Variants in STK33 observed in about 807,000 individuals in gnomAD.
STK33 encodes serine/threonine kinase 33.
In STK33, 52 loss-of-function variants were observed where a neutral mutation model predicts 58.0. The ratio of observed to expected loss-of-function variants is 0.90; its 90% CI spans 0.72 to 1.13. The LOEUF is 1.13. Among genes scored for constraint, STK33 ranks in the 50% most tolerant of loss-of-function variants. STK33 has a pLI of 0.00. For synonymous variants in STK33, 215 were observed against 200.1 expected (o/e 1.07, Z -0.63); for missense variants, 630 against 604.2 (o/e 1.04, Z -0.45).
chr11:8,481,519 C>T (rs1181933473), intron 1 of STK33, among the ~76,000 whole-genome samples: 1 of 152,140 alleles, frequency 6.6e-6, no homozygotes, highest in African/African-American at 2.4e-5. Context: ...AGGCAAGTAC[C>T]CAGCATAAGG....
intron 14 of STK33, among the ~76,000 whole-genome samples, chr11:8,426,200 G>A (rs1942722626): frequency 6.6e-6 from 1 of 152,172 alleles, no homozygotes; most frequent in African/African-American, 2.4e-5. Flanking sequence ...AAGGGAGATG[G>A]AGTGGGAAGG....
chr11:8,386,501 G>A, the STK33 span, among the ~76,000 whole-genome samples: 3 of 152,182 alleles, frequency 2.0e-5, no homozygotes, highest in African/African-American at 7.2e-5. Flanking sequence ...CAGCAATGAG[G>A]ATCCTGAATA....
intron 1 of STK33, among the ~76,000 whole-genome samples, chr11:8,494,744 G>C (rs1031713785): frequency 2.6e-5 from 4 of 152,144 alleles, no homozygotes; most frequent in African/African-American, 9.7e-5. Context: ...TACCAAAACA[G>C]AGATATAGAT....
chr11:8,473,209 T>C lies in STK33; in HGVS notation c.293A>G (p.Glu98Gly), dbSNP rs781613188. The C allele has an allele frequency of 6.2e-7, 1 of 1,613,682 alleles. No homozygotes were observed. The highest frequency in any genetic ancestry group is 1.1e-5 in the South Asian group (1 of 91,026). The change falls in exon 6 of 16, where the codon GAA becomes GGA. Residue 98 changes from glutamate to glycine, a missense_variant. Transcript: ENST00000687296. ...AATCCTTATGTGAGGAACTTTTCCTTCTGTAAAGTTGCCCCGACCCCATTG... is the reference window on the plus strand; with the variant it reads ...AATCCTTATGTGAGGAACTTTTCCTCCTGTAAAGTTGCCCCGACCCCATTG... ...QQQWGRGNFT[E>G]GKVPHIRIEN...
chr11:8,481,318 A>G (rs1233620225), intron 1 of STK33, among the ~76,000 whole-genome samples: 9 of 152,202 alleles, frequency 5.9e-5, no homozygotes, highest in Non-Finnish European at 1.3e-4. Flanking sequence ...CAGAAATAAT[A>G]TTAATTTAAT....
the STK33 span, among the ~76,000 whole-genome samples, chr11:8,368,536 T>G: frequency 1.3e-5 from 2 of 152,200 alleles, no homozygotes; most frequent in Non-Finnish European, 2.9e-5. Flanking sequence ...TGTCTCTTCT[T>G]AATTAATAGA....
At chr11:8,397,781 T>C (rs1236874298) in intron 15 of STK33, among the ~76,000 whole-genome samples, 1 of 152,042 alleles carries the variant, frequency 6.6e-6, no homozygotes, top group Non-Finnish European at 1.5e-5. Flanking sequence ...CTGATGGAGC[T>C]GAAAACCATG....
chr11:8,519,106 G>C (rs1565253244), intron 1 of STK33, among the ~76,000 whole-genome samples: 1 of 152,160 alleles, frequency 6.6e-6, no homozygotes, highest in African/African-American at 2.4e-5. Context: ...GCACTCCTTA[G>C]CAAATGTAAA....
At chr11:8,393,315 C>T (rs565751546) in intron 15 of STK33, among the ~76,000 whole-genome samples, 1 of 152,178 alleles carries the variant, frequency 6.6e-6, no homozygotes, top group South Asian at 2.1e-4. Context: ...GAAAGGGTGG[C>T]CATGAAAGTA....
chr11:8,354,474 T>TCACACACACACACACA, the STK33 span, among the ~76,000 whole-genome samples: 4,350 of 124,548 alleles, frequency 0.035, 114 homozygotes, highest in South Asian at 0.045. Context: ...CTGCAAAACC[T>TCACACACACACACACA]CACACACACA....
At chr11:8,539,015 G>A (rs1047062963) in intron 1 of STK33, among the ~76,000 whole-genome samples, 2 of 152,020 alleles carry the variant, frequency 1.3e-5, no homozygotes, top group Non-Finnish European at 2.9e-5. Flanking sequence ...ATATAAACTG[G>A]GTTTTGTACA....
intron 7 of STK33, among the ~76,000 whole-genome samples, chr11:8,463,299 T>C (rs960621617): frequency 1.3e-5 from 2 of 152,186 alleles, no homozygotes; most frequent in Admixed American, 1.3e-4. Flanking sequence ...CAGGCATTAG[T>C]TGGATTCTCA....
chr11:8,540,986 CTCTCTCTCTA>C (rs1241095545), intron 1 of STK33, among the ~76,000 whole-genome samples: 99 of 138,354 alleles, frequency 7.2e-4, no homozygotes, highest in African/African-American at 2.5e-3. Context: ...CTCTCTCTCT[CTCTCTCTCTA>C]TATATATATA....
chr11:8,523,619 T>C (rs1015083748), intron 1 of STK33, among the ~76,000 whole-genome samples: 186 of 150,510 alleles, frequency 1.2e-3, no homozygotes, highest in Non-Finnish European at 1.9e-3. Flanking sequence ...GTCTGGGAAG[T>C]GAGGAGCATC....
intron 1 of STK33, among the ~76,000 whole-genome samples, chr11:8,537,667 G>A (rs1955145043): frequency 6.6e-6 from 1 of 151,960 alleles, no homozygotes; most frequent in African/African-American, 2.4e-5. Context: ...AGCACTTTGG[G>A]AGGCCAAGGC....
the STK33 span, among the ~76,000 whole-genome samples, chr11:8,383,405 G>A: frequency 6.6e-6 from 1 of 152,134 alleles, no homozygotes; most frequent in Admixed American, 6.5e-5. Flanking sequence ...ATCTGCCTTG[G>A]GAGGTAGGGA....
At chr11:8,402,444 A>T (rs1204807369) in intron 15 of STK33, among the ~76,000 whole-genome samples, 2 of 152,152 alleles carry the variant, frequency 1.3e-5, no homozygotes, top group African/African-American at 4.8e-5. Context: ...GAAGGGGAAC[A>T]TCACACACCG....
intron 1 of STK33, among the ~76,000 whole-genome samples, chr11:8,541,609 A>G (rs761956001): frequency 1.3e-5 from 2 of 152,180 alleles, no homozygotes; most frequent in African/African-American, 4.8e-5. Flanking sequence ...ACATATCTTT[A>G]TATCACTATA....
Position 8,473,277 on chromosome 11 carries a change from C to T in STK33, c.226-1G>A. On this transcript the variant is annotated splice_acceptor_variant, in intron 5 of 15. Transcript: ENST00000687296. LOFTEE classifies it high-confidence loss of function. ...TCTCTACATTTGAGGTTCTTGAGGG[C>T]TGGGACCAAAAAAAAAATTAAAAAA... The T allele has an allele frequency of 6.4e-7, 1 of 1,558,470 alleles. No homozygotes were observed. The highest frequency in any genetic ancestry group is 1.2e-5 in the South Asian group (1 of 83,728).
Sources: allele counts gnomAD v4.1 joint callset (sites outside exome capture counted in the v4.1 genomes callset), GRCh38; gene constraint gnomAD v4.1.1; transcripts MANE v1.5; gene names NCBI Gene and HGNC (gene_info 2026-07-23, HGNC 2026-07-21).